The following NXPE2 variants were observed in gnomAD, a reference collection of about 807,000 sequenced individuals.
The protein encoded by NXPE2 is neurexophilin and PC-esterase domain family member 2.
NXPE2 carries 34 observed loss-of-function variants against 34.4 expected under a neutral mutation model. The observed-to-expected ratio is 0.99, with a 90% CI of 0.75 to 1.31. The LOEUF (loss-of-function observed/expected upper bound fraction) is 1.31. Among genes scored for constraint, NXPE2 ranks in the 40% most tolerant of loss-of-function variants. The probability of loss-of-function intolerance (pLI) is 0.00; values close to 1 mark genes in which losing one functional copy is unlikely to be tolerated. For missense variants in NXPE2, 649 were observed against 672.5 expected, an observed-to-expected ratio of 0.97 and a Z score of 0.39; for synonymous variants, 235 against 231.3, an observed-to-expected ratio of 1.02 and a Z score of -0.15.
At chr11:114,616,620 A>G in the NXPE2 span, among the ~76,000 whole-genome samples, 2 of 138,166 alleles carry the variant, frequency 1.4e-5, no homozygotes, top group African/African-American at 5.3e-5. Flanking sequence ...GGGTAACCAC[A>G]GTTACCCACT....
the NXPE2 span, among the ~76,000 whole-genome samples, chr11:114,745,718 G>A: frequency 6.6e-6 from 1 of 151,766 alleles, no homozygotes; most frequent in African/African-American, 2.4e-5. Context: ...CATGAGAAGC[G>A]AAAACTCAAA....
At chr11:114,611,816 G>T in the NXPE2 span, among the ~76,000 whole-genome samples, 30 of 151,980 alleles carry the variant, frequency 2.0e-4, 1 homozygote, top group South Asian at 6.2e-3. Context: ...GGAAACCACT[G>T]TTACCCGGTG....
At chr11:114,609,355 T>C in the NXPE2 span, among the ~76,000 whole-genome samples, 2 of 151,516 alleles carry the variant, frequency 1.3e-5, no homozygotes, top group Admixed American at 1.3e-4. Context: ...TAATGTCTCA[T>C]TGGTAACCAC....
chr11:114,571,458 T>G, the NXPE2 span: 3 of 1,606,846 alleles, frequency 1.9e-6, no homozygotes, highest in Admixed American at 1.7e-5. Context: ...TTCATGCAGA[T>G]CCACTGACTT....
At chr11:114,733,900 A>G in the NXPE2 span, among the ~76,000 whole-genome samples, 9 of 152,250 alleles carry the variant, frequency 5.9e-5, no homozygotes, top group African/African-American at 1.9e-4. Flanking sequence ...TCCCATGTGT[A>G]TATTTTCTTT....
the NXPE2 span, among the ~76,000 whole-genome samples, chr11:114,566,211 A>T: frequency 0.21 from 31,647 of 152,132 alleles, 4,364 homozygotes; most frequent in African/African-American, 0.38. Flanking sequence ...CAAGTTATGG[A>T]AATCATCGAT....
At chr11:114,766,439 C>T in the NXPE2 span, among the ~76,000 whole-genome samples, 4 of 152,162 alleles carry the variant, frequency 2.6e-5, no homozygotes, top group African/African-American at 9.6e-5. Flanking sequence ...GGTAAGCCAT[C>T]CTAGTTTAAT....
At chr11:114,524,419 G>T in the NXPE2 span, among the ~76,000 whole-genome samples, 1 of 152,194 alleles carries the variant, frequency 6.6e-6, no homozygotes, top group South Asian at 2.1e-4. Flanking sequence ...TTACATGGTT[G>T]TATTGTATTT....
the NXPE2 span, among the ~76,000 whole-genome samples, chr11:114,795,359 G>C: frequency 6.6e-6 from 1 of 152,270 alleles, no homozygotes; most frequent in Admixed American, 6.5e-5. Context: ...TCCTCAACTG[G>C]TTTCCCAGTC....
the NXPE2 span, among the ~76,000 whole-genome samples, chr11:114,608,465 G>A: frequency 6.6e-6 from 1 of 151,860 alleles, no homozygotes; most frequent in Non-Finnish European, 1.5e-5. Flanking sequence ...AGGATAGTAA[G>A]TATTGCCTTG....
At chr11:114,620,364 A>G in the NXPE2 span, among the ~76,000 whole-genome samples, 1 of 151,100 alleles carries the variant, frequency 6.6e-6, no homozygotes, top group Non-Finnish European at 1.5e-5. Context: ...TTACCGGTGG[A>G]AAATAAGTGT....
the NXPE2 span, among the ~76,000 whole-genome samples, chr11:114,521,020 G>A: frequency 6.6e-6 from 1 of 152,156 alleles, no homozygotes; most frequent in East Asian, 1.9e-4. Flanking sequence ...TTCATTCACT[G>A]ATGATCTCTG....
At chr11:114,756,773 A>C in the NXPE2 span, among the ~76,000 whole-genome samples, 1 of 152,188 alleles carries the variant, frequency 6.6e-6, no homozygotes, top group Non-Finnish European at 1.5e-5. Context: ...CATAAAGTGA[A>C]GGGTTAGGTG....
chr11:114,577,058 CATATATATATAT>C, the NXPE2 span, among the ~76,000 whole-genome samples: 8 of 29,928 alleles, frequency 2.7e-4, no homozygotes, highest in Non-Finnish European at 5.0e-4. Flanking sequence ...TATATATATA[CATATATATATAT>C]AAAGTTATAT....
the NXPE2 span, among the ~76,000 whole-genome samples, chr11:114,490,708 G>T: frequency 1.3e-5 from 2 of 152,046 alleles, no homozygotes; most frequent in East Asian, 3.9e-4. Context: ...AATTCAAGAT[G>T]GATTAAAGAC....
chr11:114,630,679 T>C, the NXPE2 span, among the ~76,000 whole-genome samples: 1 of 150,258 alleles, frequency 6.7e-6, no homozygotes, highest in South Asian at 2.1e-4. Flanking sequence ...AAATGGGATC[T>C]AATTAAACTA....
the NXPE2 span, among the ~76,000 whole-genome samples, chr11:114,626,410 G>A: frequency 1.3e-5 from 2 of 152,204 alleles, no homozygotes; most frequent in Admixed American, 6.5e-5. Context: ...CCCCCAACAG[G>A]GGCAGACTGA....
the NXPE2 span, among the ~76,000 whole-genome samples, chr11:114,547,362 T>G: frequency 1.0e-3 from 154 of 152,286 alleles, no homozygotes; most frequent in African/African-American, 3.5e-3. Flanking sequence ...GAAGGACAGT[T>G]TACAAAATAC....
chr11:114,797,812 G>C, the NXPE2 span, among the ~76,000 whole-genome samples: 1 of 152,192 alleles, frequency 6.6e-6, no homozygotes, highest in African/African-American at 2.4e-5. Flanking sequence ...TACTGTGGTT[G>C]AAGATTTTCA....
Sources: gnomAD v4.1 joint callset for allele counts (sites outside exome capture counted in the v4.1 genomes callset) on GRCh38, gnomAD v4.1.1 for gene constraint, MANE v1.5 for transcripts, NCBI Gene and HGNC (gene_info 2026-07-23, HGNC 2026-07-21) for gene names.